Variants in ARHGAP35 observed in about 807,000 individuals in gnomAD.
ARHGAP35 encodes rho GTPase-activating protein 35.
In ARHGAP35, 15 loss-of-function variants were observed where a neutral mutation model predicts 111.1. The ratio of observed to expected loss-of-function variants is 0.13; its 90% CI spans 0.09 to 0.21. The LOEUF (loss-of-function observed/expected upper bound fraction) is 0.21, where lower values mean the gene tolerates loss of function less well. ARHGAP35 is among the 10% of genes least tolerant of loss of function. The pLI, the probability that ARHGAP35 is intolerant of heterozygous loss-of-function variation, is 1.00. For synonymous variants in ARHGAP35, 643 were observed against 710.3 expected (o/e 0.91, Z 1.51); for missense variants, 1,262 against 1,873.0 (o/e 0.67, Z 6.02).
rs115310952 is a variant in ARHGAP35 at position 46,969,728 on chromosome 19, G to A, written c.3827-18261G>A. Among the ~76,000 whole-genome samples, 957 of 151,036 alleles carry A rather than the reference G, an allele frequency of 6.3e-3. 6 individuals carry two copies. The highest frequency in any genetic ancestry group is 0.022 in the African/African-American group (891 of 41,104). On this transcript the variant is annotated intron_variant, in intron 3 of 6. Coordinates refer to ENST00000672722, the MANE Select transcript of ARHGAP35 (RefSeq NM_004491.5). ...TGTCATCAGCTCAGAGAAGCAACAC[G>A]TCTTTCCTAGGTTCTCTGAAGGAGA...
intron 3 of ARHGAP35, among the ~76,000 whole-genome samples, chr19:46,976,569 C>T (rs1238938896): frequency 1.3e-5 from 2 of 152,268 alleles, no homozygotes; most frequent in Non-Finnish European, 2.9e-5. Context: ...CGGTTCCAGC[C>T]GGCTGCTTTG....
intron 1 of ARHGAP35, among the ~76,000 whole-genome samples, chr19:46,910,532 TCTGCC>T (rs1426310015): frequency 1.3e-5 from 2 of 151,782 alleles, no homozygotes; most frequent in African/African-American, 4.8e-5. Flanking sequence ...CCTCAAGTGA[TCTGCC>T]CACTTTGGCC....
chr19:46,974,894 C>T (rs899864361), intron 3 of ARHGAP35, among the ~76,000 whole-genome samples: 5 of 151,972 alleles, frequency 3.3e-5, no homozygotes, highest in African/African-American at 1.2e-4. Flanking sequence ...TGTTCTGAGA[C>T]GGAGTCTCTC....
rs1263131626 is a variant in ARHGAP35 at position 46,926,488 on chromosome 19, ACAGGCTGGGGAGCCTTGTT to A, written c.3681+4134_3681+4152del. The stretch of plus-strand genomic sequence containing the variant: ...CAGGGTCTTATTTTAAAGCCAAAAA[ACAGGCTGGGGAGCCTTGTT>A]CCACAAAGTATGCCTTTTGGTCATG... On this transcript the variant is annotated intron_variant, in intron 2 of 6. Coordinates refer to ENST00000672722, the MANE Select transcript of ARHGAP35 (RefSeq NM_004491.5). This position sits in a 1 kb window ranked among gnomAD's most constrained non-coding sequence, Gnocchi z 4.1. Among the ~76,000 whole-genome samples, 1 of 152,184 alleles carries A rather than the reference ACAGGCTGGGGAGCCTTGTT, an allele frequency of 6.6e-6. No individual in the cohort carries two copies. The highest frequency in any genetic ancestry group is 2.4e-5 in the African/African-American group (1 of 41,442).
At chr19:46,966,672 T>C (rs1019241567) in intron 3 of ARHGAP35, among the ~76,000 whole-genome samples, 3 of 152,252 alleles carry the variant, frequency 2.0e-5, no homozygotes, top group Non-Finnish European at 4.4e-5. Context: ...GTTGTTTGTC[T>C]TACTTTCTAG....
chr19:46,955,348 T>C (rs2056433515), intron 3 of ARHGAP35, among the ~76,000 whole-genome samples: 1 of 152,210 alleles, frequency 6.6e-6, no homozygotes, highest in Non-Finnish European at 1.5e-5. Flanking sequence ...TGGTAGTAGC[T>C]GTTTGAATAA....
chr19:46,976,210 CTTT>C (rs772367746), intron 3 of ARHGAP35, among the ~76,000 whole-genome samples: 90 of 118,668 alleles, frequency 7.6e-4, no homozygotes, highest in Non-Finnish European at 8.8e-4. Flanking sequence ...AAGCTTTCTC[CTTT>C]TTTTTTTTTT....
chr19:46,991,548 G>A (rs968265261), intron 5 of ARHGAP35, among the ~76,000 whole-genome samples: 3 of 152,226 alleles, frequency 2.0e-5, no homozygotes, highest in African/African-American at 7.2e-5. Flanking sequence ...GCCTGGGAAA[G>A]GGTGGAGGTT....
intron 1 of ARHGAP35, among the ~76,000 whole-genome samples, chr19:46,868,673 G>T (rs1257121028): frequency 6.6e-6 from 1 of 152,038 alleles, no homozygotes; most frequent in Admixed American, 6.6e-5. Flanking sequence ...AGAGATGTTT[G>T]GTCATGTAAT....
At chr19:46,899,049 G>A (rs2056071190) in intron 1 of ARHGAP35, among the ~76,000 whole-genome samples, 1 of 152,208 alleles carries the variant, frequency 6.6e-6, no homozygotes, top group African/African-American at 2.4e-5. Flanking sequence ...AAGGAGTCTG[G>A]GAAATGTAGT....
At chr19:46,931,033 G>A (rs142890860) in intron 2 of ARHGAP35, among the ~76,000 whole-genome samples, 156 of 152,146 alleles carry the variant, frequency 1.0e-3, no homozygotes, top group African/African-American at 3.6e-3. Flanking sequence ...TACCTACAGA[G>A]GGAATTAGGA....
chr19:46,983,798 G>A (rs1307250239), intron 3 of ARHGAP35, among the ~76,000 whole-genome samples: 2 of 151,614 alleles, frequency 1.3e-5, no homozygotes, highest in Non-Finnish European at 2.9e-5. Context: ...TGTATTTTTA[G>A]TAGAGACGGG....
chr19:46,895,601 G>A (rs2056050510), intron 1 of ARHGAP35, among the ~76,000 whole-genome samples: 1 of 152,170 alleles, frequency 6.6e-6, no homozygotes, highest in South Asian at 2.1e-4. Context: ...GTTGAAAGGC[G>A]ACCATTTCCC....
rs7248942 is a variant in ARHGAP35 at position 46,945,965 on chromosome 19, G to A, written c.3826+8557G>A. ...TAGCCAGTGCTGTAGAGGCCGAGAAGAGGAATTGTGCCTAGGGAGAAACAG... is the reference window on the plus strand; with the variant it reads ...TAGCCAGTGCTGTAGAGGCCGAGAAAAGGAATTGTGCCTAGGGAGAAACAG... On this transcript the variant is annotated intron_variant, in intron 3 of 6. Transcript: ENST00000672722. The surrounding 1 kb of genome is among the most constrained non-coding windows in gnomAD (Gnocchi z 4.1). 8.0e-3 allele frequency among the ~76,000 whole-genome samples: 1,225 copies of A among 152,322 alleles called. 19 individuals are homozygous for A. The highest frequency in any genetic ancestry group is 0.029 in the Admixed American group (441 of 15,294).
At chr19:46,967,969 G>T (rs2056524912) in intron 3 of ARHGAP35, among the ~76,000 whole-genome samples, 2 of 152,188 alleles carry the variant, frequency 1.3e-5, no homozygotes, top group African/African-American at 2.4e-5. Context: ...TGCTTTCCCA[G>T]TGAACACGTA....
Position 47,000,084 on chromosome 19 carries a change from C to G in ARHGAP35, c.4143-247C>G, listed in dbSNP as rs1443551011. Among the ~76,000 whole-genome samples, 1 of 152,168 alleles carries G rather than the reference C, an allele frequency of 6.6e-6. No homozygotes were observed. Among genetic ancestry groups the G allele is most frequent in the East Asian group, 1.9e-4 (1 of 5,184 alleles). ...AGTCCCTGAGGTGGTCCATCCACCC[C>G]CAGGGGTTTGCGGGGCTCCAGGCAG... is the stretch of plus-strand genomic sequence containing the variant. On this transcript the variant is annotated intron_variant, in intron 6 of 6. Transcript: ENST00000672722. This position sits in a 1 kb window ranked among gnomAD's most constrained non-coding sequence, Gnocchi z 6.9.
chr19:46,951,211 T>C (rs2056410903), intron 3 of ARHGAP35, among the ~76,000 whole-genome samples: 1 of 152,234 alleles, frequency 6.6e-6, no homozygotes, highest in Non-Finnish European at 1.5e-5. Context: ...GATTTAAATT[T>C]CACCACTAAT....
intron 3 of ARHGAP35, among the ~76,000 whole-genome samples, chr19:46,982,513 T>C (rs1324057314): frequency 6.6e-6 from 1 of 151,856 alleles, no homozygotes; most frequent in Non-Finnish European, 1.5e-5. Context: ...GCCTAAGGGC[T>C]TGTTTTCGTA....
In ARHGAP35 at chr19:46,921,940, G is replaced by A; in HGVS notation, c.3265G>A (p.Glu1089Lys). 1 of 1,613,988 alleles carries A rather than the reference G, an allele frequency of 6.2e-7. No homozygotes were observed. Among genetic ancestry groups the A allele is most frequent in the Non-Finnish European group, 8.5e-7 (1 of 1,179,884 alleles). The change falls in exon 2 of 7, where the codon GAA becomes AAA. Residue 1089 changes from glutamate to lysine, a missense_variant. Transcript: ENST00000672722. This position sits in a 1 kb window ranked among gnomAD's most constrained non-coding sequence, Gnocchi z 4.3. ...QDGFDPSDYA[E>K]PMDAVVKPRN... is the part of the protein sequence containing the mutation. ...TGGGTTTGATCCTTCTGACTATGCT[G>A]AACCCATGGATGCTGTGGTGAAGCC...
Sources: gnomAD v4.1 joint callset for allele counts (sites outside exome capture counted in the v4.1 genomes callset) on GRCh38, gnomAD v4.1.1 for gene constraint, Gnocchi (gnomAD v3.1) non-coding constraint, MANE v1.5 for transcripts, NCBI Gene and HGNC (gene_info 2026-07-23, HGNC 2026-07-21) for gene names.